The following CRTC1 variants were observed in gnomAD, a reference collection of about 807,000 sequenced individuals.
CRTC1 encodes CREB regulated transcription coactivator 1, also known as CREB-regulated transcription coactivator 1.
CRTC1 carries 18 observed loss-of-function variants against 66.1 expected under a neutral mutation model. The observed-to-expected ratio is 0.27, with a 90% CI of 0.19 to 0.40. CRTC1 has a LOEUF of 0.40. Among genes scored for constraint, CRTC1 ranks in the 10% least tolerant of loss-of-function variants. The pLI is 1.00. For missense variants in CRTC1, 669 were observed against 887.9 expected (o/e 0.75, Z 3.13); for synonymous variants, 416 against 398.8 (o/e 1.04, Z -0.51).
intron 1 of CRTC1, among the ~76,000 whole-genome samples, chr19:18,737,941 A>C (rs935496498): frequency 6.6e-6 from 1 of 152,162 alleles, no homozygotes; most frequent in African/African-American, 2.4e-5. Context: ...TACGTATAAC[A>C]TACCAAATCT....
chr19:18,767,838 C>G (rs1234577604), intron 9 of CRTC1, among the ~76,000 whole-genome samples: 3 of 152,232 alleles, frequency 2.0e-5, no homozygotes, highest in African/African-American at 7.2e-5. Context: ...TGTTCCATAG[C>G]TCCTGGGCAC....
At chr19:18,715,131 T>C (rs746620459) in intron 1 of CRTC1, among the ~76,000 whole-genome samples, 4 of 152,260 alleles carry the variant, frequency 2.6e-5, no homozygotes, top group Admixed American at 2.0e-4. Flanking sequence ...CCCTCCTGCC[T>C]CTGGGGGCTC....
At chr19:18,704,296 G>A (rs1035395948) in intron 1 of CRTC1, among the ~76,000 whole-genome samples, 2 of 151,944 alleles carry the variant, frequency 1.3e-5, no homozygotes, top group African/African-American at 2.4e-5. Flanking sequence ...TTGTAGAGAC[G>A]GGGGTCTTGC....
At chr19:18,737,119 A>C (rs2054014056) in intron 1 of CRTC1, among the ~76,000 whole-genome samples, 1 of 152,028 alleles carries the variant, frequency 6.6e-6, no homozygotes, top group South Asian at 2.1e-4. Context: ...AGGGGCGTAG[A>C]CTTAGCAGGA....
At chr19:18,759,969 C>CGCCCT in intron 7 of CRTC1, 39 bp from the exon 8 acceptor site, 3 of 1,453,426 alleles carry the variant, frequency 2.1e-6, no homozygotes, top group South Asian at 2.5e-5. Flanking sequence ...AGCCCCGCCC[C>CGCCCT]ATGAGCTCAC....
At chr19:18,739,816 A>C (rs1419042502) in intron 1 of CRTC1, among the ~76,000 whole-genome samples, 2 of 152,220 alleles carry the variant, frequency 1.3e-5, no homozygotes, top group Non-Finnish European at 2.9e-5. Flanking sequence ...CAGGGGTTCC[A>C]GCCAGGCTGG....
chr19:18,725,151 G>A (rs896318262), intron 1 of CRTC1, among the ~76,000 whole-genome samples: 12 of 152,122 alleles, frequency 7.9e-5, no homozygotes, highest in African/African-American at 2.9e-4. Context: ...CTAGGCCAGC[G>A]TCCCTGTGCG....
At chr19:18,693,507 A>T (rs575739877) in intron 1 of CRTC1, among the ~76,000 whole-genome samples, 24 of 137,586 alleles carry the variant, frequency 1.7e-4, no homozygotes, top group Middle Eastern at 3.6e-3. Flanking sequence ...TTTGAAACAG[A>T]GTTTCTCTCT....
At chr19:18,758,248 T>C (rs1284891063) in intron 6 of CRTC1, among the ~76,000 whole-genome samples, 2 of 148,474 alleles carry the variant, frequency 1.3e-5, no homozygotes, top group Non-Finnish European at 3.0e-5. Flanking sequence ...TAGTCCCAGC[T>C]ACGCGAGACA....
chr19:18,765,044 C>T (rs543163427), intron 8 of CRTC1, among the ~76,000 whole-genome samples: 2 of 152,374 alleles, frequency 1.3e-5, no homozygotes, highest in South Asian at 4.1e-4. Flanking sequence ...CACACGGCTT[C>T]AGACAGCCCT....
At chr19:18,757,817 C>T (rs1053659877) in intron 6 of CRTC1, among the ~76,000 whole-genome samples, 5 of 151,898 alleles carry the variant, frequency 3.3e-5, no homozygotes, top group Admixed American at 2.6e-4. Flanking sequence ...GAGATCGAGA[C>T]CATCCTGGCT....
At chr19:18,687,680 G>T (rs1380425068) in intron 1 of CRTC1, among the ~76,000 whole-genome samples, 1 of 152,186 alleles carries the variant, frequency 6.6e-6, no homozygotes, top group East Asian at 1.9e-4. Flanking sequence ...CCAAAGGACA[G>T]CATGTCACTC....
At chr19:18,702,259 GC>G (rs1052448685) in intron 1 of CRTC1, among the ~76,000 whole-genome samples, 1 of 148,226 alleles carries the variant, frequency 6.7e-6, no homozygotes, top group Non-Finnish European at 1.5e-5. Context: ...TGGCTCTGTT[GC>G]CCAGGCTGGA....
In CRTC1 at chr19:18,768,853, G is replaced by A; in HGVS notation, c.1320+60G>A. 6.6e-7 allele frequency: 1 copy of A among 1,522,502 alleles called. No homozygotes were observed. The highest frequency in any genetic ancestry group is 8.8e-7 in the Non-Finnish European group (1 of 1,135,280). 94.3% of individuals were successfully genotyped at this position (1,522,502 alleles called of 1,614,324 possible). On this transcript the variant is annotated intron_variant, in intron 10 of 13. Coordinates refer to ENST00000321949, the MANE Select transcript of CRTC1 (RefSeq NM_015321.3). This position sits in a 1 kb window ranked among gnomAD's most constrained non-coding sequence, Gnocchi z 5.6. ...GGGGGTCTTGTAGAGGACAGCCCGG[G>A]GGCTGCAGAACAGTCGGGTTACCTG... is the stretch of plus-strand genomic sequence containing the variant.
chr19:18,722,388 G>T (rs979998345), intron 1 of CRTC1, among the ~76,000 whole-genome samples: 1 of 152,156 alleles, frequency 6.6e-6, no homozygotes, highest in Non-Finnish European at 1.5e-5. Flanking sequence ...TGTGACTCTG[G>T]CCTTATGTGG....
intron 1 of CRTC1, among the ~76,000 whole-genome samples, chr19:18,721,481 C>T (rs2145630380): frequency 6.7e-6 from 1 of 148,510 alleles, no homozygotes; most frequent in Admixed American, 6.8e-5. Flanking sequence ...GCATGAGCCA[C>T]CACACCCGGC....
chr19:18,764,450 C>T lies in CRTC1; in HGVS notation c.887-954C>T, dbSNP rs185266492. 8.4e-3 allele frequency among the ~76,000 whole-genome samples: 1,277 copies of T among 152,362 alleles called. 8 individuals carry two copies. The highest frequency in any genetic ancestry group is 0.014 in the Non-Finnish European group (970 of 68,034). Reference sequence around the variant, plus strand: ...CCTCCTGCCATCGAGGGGCCTGTTGCCTGCCTGGCATGGTGCCCACAATAA... The same window carrying T: ...CCTCCTGCCATCGAGGGGCCTGTTGTCTGCCTGGCATGGTGCCCACAATAA... On this transcript the variant is annotated intron_variant, in intron 8 of 13. Transcript: ENST00000321949.
Position 18,779,155 on chromosome 19 carries a change from C to T in CRTC1, c.*1773C>T, listed in dbSNP as rs940175811. On this transcript the variant is annotated 3_prime_UTR_variant, in exon 14 of 14. Transcript: ENST00000321949. ...CGCTCGCTCCTGCCTGCCGGGACAG[C>T]GCCTTCTGCTGAGTCCGTTTATTTG... is the stretch of plus-strand genomic sequence containing the variant. The T allele has an allele frequency of 2.6e-5, 6 of 232,400 alleles. No homozygotes were observed. The highest frequency in any genetic ancestry group is 5.1e-5 in the Non-Finnish European group (6 of 117,596). 14.4% of individuals were successfully genotyped at this position (232,400 alleles called of 1,614,324 possible).
intron 1 of CRTC1, among the ~76,000 whole-genome samples, chr19:18,717,528 C>G (rs917317503): frequency 6.6e-6 from 1 of 152,122 alleles, no homozygotes; most frequent in Non-Finnish European, 1.5e-5. Flanking sequence ...AGTGCTCACT[C>G]ACAGGAGCCT....
Sources: gnomAD v4.1 joint callset for allele counts (sites outside exome capture counted in the v4.1 genomes callset) on GRCh38, gnomAD v4.1.1 for gene constraint, Gnocchi (gnomAD v3.1) non-coding constraint, MANE v1.5 for transcripts, NCBI Gene and HGNC (gene_info 2026-07-23, HGNC 2026-07-21) for gene names.